The following SAXO1 variants were observed in gnomAD, a reference collection of about 807,000 sequenced individuals.
SAXO1 encodes the protein 4930500O09Rik.
Under a neutral mutation model 17.5 loss-of-function variants are expected in SAXO1, and 21 were observed. The observed-to-expected ratio is 1.20, with a 90% CI of 0.85 to 1.72. The LOEUF (loss-of-function observed/expected upper bound fraction) is 1.72, where lower values mean the gene tolerates loss of function less well. Among genes scored for constraint, SAXO1 ranks in the 40% most tolerant of loss-of-function variants. The probability of loss-of-function intolerance (pLI) is 0.00; values close to 1 mark genes in which losing one functional copy is unlikely to be tolerated. For synonymous variants in SAXO1, 274 were observed against 216.5 expected (o/e 1.27, Z -2.33); for missense variants, 843 against 596.0 (o/e 1.41, Z -4.32).
chr9:18,967,400 G>C (rs950941457), intron 1 of SAXO1, among the ~76,000 whole-genome samples: 6 of 138,368 alleles, frequency 4.3e-5, no homozygotes, highest in African/African-American at 2.0e-4. Context: ...TTTATCTATA[G>C]ACCCCTGACT....
At chr9:19,035,538 G>A (rs904507464), upstream of SAXO1, among the ~76,000 whole-genome samples, 2 of 152,214 alleles carry the variant, frequency 1.3e-5, no homozygotes, top group African/African-American at 4.8e-5. Flanking sequence ...ACCCAAAAAT[G>A]AGGAAGCAAC....
chr9:19,024,044 C>CTTTT (rs1563988508), intron 1 of SAXO1, among the ~76,000 whole-genome samples: 48 of 83,138 alleles, frequency 5.8e-4, no homozygotes, highest in African/African-American at 9.5e-4. Flanking sequence ...TTTTTTTTTG[C>CTTTT]GGGGGAAAAG....
intron 1 of SAXO1, among the ~76,000 whole-genome samples, chr9:19,012,900 C>T (rs918442614): frequency 1.3e-5 from 2 of 152,166 alleles, no homozygotes; most frequent in East Asian, 1.9e-4. Flanking sequence ...AGGGTGCTGA[C>T]AGAAATCAAG....
In SAXO1 at chr9:18,928,018, T is replaced by C; in HGVS notation, c.*34A>G. The C allele has an allele frequency of 6.6e-7, 1 of 1,510,470 alleles. No individual in the cohort carries two copies. The highest frequency in any genetic ancestry group is 1.4e-5 in the African/African-American group (1 of 72,024). 93.6% of individuals were successfully genotyped at this position (1,510,470 alleles called of 1,614,324 possible). ...ATTCTCAGTTGTCTGCTTTTAAAAG[T>C]ACTGTGTAATTTCTAAATTACTATT... On this transcript the variant is annotated 3_prime_UTR_variant, in exon 4 of 4. Transcript: ENST00000380534.
At chr9:18,941,966 C>T (rs1831583726) in intron 2 of SAXO1, 127 bp from the exon 3 acceptor site, 5 of 821,296 alleles carry the variant, frequency 6.1e-6, no homozygotes, top group Non-Finnish European at 7.9e-6. Context: ...TTCCCTCCTC[C>T]CCCGAACTGT....
intron 1 of SAXO1, among the ~76,000 whole-genome samples, chr9:18,997,514 G>T (rs1834056094): frequency 6.6e-6 from 1 of 152,260 alleles, no homozygotes; most frequent in Admixed American, 6.5e-5. Context: ...TGCCTCTCTA[G>T]ATTCCACCTC....
intron 3 of SAXO1, among the ~76,000 whole-genome samples, chr9:18,933,580 C>T (rs565405855): frequency 6.6e-6 from 1 of 152,210 alleles, no homozygotes; most frequent in East Asian, 1.9e-4. Context: ...AAGCTAGGTA[C>T]CTGTAACTTC....
At chr9:19,009,750 C>T (rs1004761957) in intron 1 of SAXO1, among the ~76,000 whole-genome samples, 5 of 152,058 alleles carry the variant, frequency 3.3e-5, no homozygotes, top group African/African-American at 1.2e-4. Context: ...TCAGATTTTC[C>T]TTTACTCATG....
rs558613967 is a variant in SAXO1 at position 18,952,644 on chromosome 9, A to C, written c.39-1707T>G. 4.6e-5 allele frequency among the ~76,000 whole-genome samples: 7 copies of C among 152,368 alleles called. No homozygotes were observed. In the East Asian group the frequency reaches 7.7e-4, roughly 17 times the overall value. On this transcript the variant is annotated intron_variant, in intron 1 of 3. Coordinates refer to ENST00000380534, the MANE Select transcript of SAXO1 (RefSeq NM_153707.4). ...ATCAGAAATGCCTTAAGAAGGCATG[A>C]AATTGCCTGATTTACTTTGTATTAT...
At chr9:18,993,357 C>T (rs1448584581) in intron 1 of SAXO1, among the ~76,000 whole-genome samples, 1 of 151,684 alleles carries the variant, frequency 6.6e-6, no homozygotes, top group Non-Finnish European at 1.5e-5. Context: ...AAACAATTAC[C>T]TCTCACATCT....
chr9:18,971,023 G>A (rs1194171721), intron 1 of SAXO1, among the ~76,000 whole-genome samples: 2 of 152,030 alleles, frequency 1.3e-5, no homozygotes, highest in African/African-American at 4.8e-5. Context: ...AGGATAAATG[G>A]GTTCCCTGGG....
chr9:18,983,960 A>C (rs918393335), intron 1 of SAXO1, among the ~76,000 whole-genome samples: 1 of 152,236 alleles, frequency 6.6e-6, no homozygotes, highest in African/African-American at 2.4e-5. Context: ...CTTAAAAATA[A>C]GACTTGAAAA....
At chr9:18,988,842 C>T (rs1404697613) in intron 1 of SAXO1, among the ~76,000 whole-genome samples, 2 of 152,078 alleles carry the variant, frequency 1.3e-5, no homozygotes, top group African/African-American at 2.4e-5. Flanking sequence ...AAATATGATT[C>T]GCTTTATAAT....
chr9:18,996,813 C>G (rs1266270824), intron 1 of SAXO1, among the ~76,000 whole-genome samples: 1 of 151,800 alleles, frequency 6.6e-6, no homozygotes, highest in African/African-American at 2.4e-5. Context: ...AACTTCTATT[C>G]AACATAGTAT....
At chr9:19,029,400 C>T (rs1027659814) in intron 1 of SAXO1, among the ~76,000 whole-genome samples, 1 of 152,218 alleles carries the variant, frequency 6.6e-6, no homozygotes, top group African/African-American at 2.4e-5. Flanking sequence ...CGGTCTCCCC[C>T]TCCCACTCAA....
intron 1 of SAXO1, among the ~76,000 whole-genome samples, chr9:18,994,715 G>T (rs1342114273): frequency 2.0e-5 from 3 of 152,168 alleles, no homozygotes; most frequent in African/African-American, 7.2e-5. Flanking sequence ...ACCTACAAAA[G>T]GAAGGGCTGC....
At chr9:18,994,026 A>G (rs1212183838) in intron 1 of SAXO1, among the ~76,000 whole-genome samples, 1 of 152,260 alleles carries the variant, frequency 6.6e-6, no homozygotes, top group Non-Finnish European at 1.5e-5. Flanking sequence ...ACACTAAAAC[A>G]ATGCCAAAGT....
intron 1 of SAXO1, among the ~76,000 whole-genome samples, chr9:18,995,628 C>T (rs901026899): frequency 3.3e-5 from 5 of 152,158 alleles, no homozygotes; most frequent in African/African-American, 1.2e-4. Flanking sequence ...GACAAAGTCC[C>T]CAAGCCTGAT....
intron 3 of SAXO1, among the ~76,000 whole-genome samples, chr9:18,939,490 A>T (rs1002673254): frequency 3.3e-5 from 5 of 152,252 alleles, no homozygotes; most frequent in Non-Finnish European, 5.9e-5. Flanking sequence ...CCCATATAGC[A>T]TCCAGCCTGA....
Sources: gnomAD v4.1 joint callset for allele counts (sites outside exome capture counted in the v4.1 genomes callset) on GRCh38, gnomAD v4.1.1 for gene constraint, MANE v1.5 for transcripts, NCBI Gene and HGNC (gene_info 2026-07-23, HGNC 2026-07-21) for gene names.